Variants in TUT1 observed in about 807,000 individuals in gnomAD.
The protein encoded by TUT1 is speckle targeted PIP5K1A-regulated poly(A) polymerase.
A neutral mutation model predicts 48.8 loss-of-function variants in TUT1; 26 were observed. The observed-to-expected ratio is 0.53, with a 90% CI of 0.39 to 0.74. The LOEUF (loss-of-function observed/expected upper bound fraction) is 0.74, where lower values mean the gene tolerates loss of function less well. Among genes scored for constraint, TUT1 ranks in the 30% least tolerant of loss-of-function variants. TUT1 has a pLI of 0.00. For synonymous variants in TUT1, 470 were observed against 460.8 expected (o/e 1.02, Z -0.26); for missense variants, 1,065 against 1,114.8 (o/e 0.96, Z 0.64).
chr11:62,586,457 T>C (rs868723539), intron 2 of TUT1, among the ~76,000 whole-genome samples: 3 of 152,292 alleles, frequency 2.0e-5, no homozygotes, highest in Non-Finnish European at 4.4e-5. Context: ...TAGCACACAA[T>C]TGATGCATAG....
At chr11:62,580,166 A>G (rs1941802344) in intron 4 of TUT1, among the ~76,000 whole-genome samples, 1 of 152,118 alleles carries the variant, frequency 6.6e-6, no homozygotes, top group African/African-American at 2.4e-5. Context: ...GTTAGAAAAT[A>G]CAGGTTAAGT....
At chr11:62,590,337 T>TA (rs1426789048) in intron 1 of TUT1, among the ~76,000 whole-genome samples, 1 of 152,090 alleles carries the variant, frequency 6.6e-6, no homozygotes, top group African/African-American at 2.4e-5. Context: ...TACAAAAAAC[T>TA]AAAAAATTTG....
intron 1 of TUT1, among the ~76,000 whole-genome samples, chr11:62,590,568 T>G (rs1590725756): frequency 6.9e-6 from 1 of 145,496 alleles, no homozygotes. Flanking sequence ...ACCCAGGAGG[T>G]GGAGCTTGCA....
chr11:62,582,431 GA>G (rs998899970), intron 2 of TUT1: 2 of 268,674 alleles, frequency 7.4e-6, no homozygotes, highest in African/African-American at 4.6e-5. Flanking sequence ...AAAAAAAAAA[GA>G]AAAGAAAAAG....
Position 62,578,997 on chromosome 11 carries a change from C to A in TUT1, c.724G>T (p.Asp242Tyr). The change falls in exon 5 of 9, where the codon GAC becomes TAC. Residue 242 changes from aspartate (D) to tyrosine (Y), a missense_variant. Coordinates refer to ENST00000476907, the MANE Select transcript of TUT1 (RefSeq NM_022830.3). The stretch of plus-strand genomic sequence containing the variant: ...TCCAGTGGGGAAGCCAGGGCCGAGT[C>A]CAGCGATGGAGATTCTGGAGCCTTT... ...VPKAPESPSLDSALASPLDPQ... is the reference protein window; with the variant it reads ...VPKAPESPSLYSALASPLDPQ... 1 of 1,515,730 alleles carries A rather than the reference C, an allele frequency of 6.6e-7. No homozygotes were observed. The highest frequency in any genetic ancestry group is 1.4e-5 in the African/African-American group (1 of 71,710). 93.9% of individuals were successfully genotyped at this position (1,515,730 alleles called of 1,614,324 possible).
intron 2 of TUT1, among the ~76,000 whole-genome samples, chr11:62,582,895 G>A (rs527370351): frequency 1.7e-4 from 26 of 152,176 alleles, no homozygotes; most frequent in African/African-American, 3.6e-4. Context: ...TTAGGAGGCC[G>A]AGGTGGGTGG....
At chr11:62,581,238 G>C (rs770898896) in intron 3 of TUT1, 32 bp from the exon 4 acceptor site, 17 of 1,606,092 alleles carry the variant, frequency 1.1e-5, no homozygotes, top group Middle Eastern at 1.7e-4. Flanking sequence ...AAGGTCAAGA[G>C]AAGTTAGGGA....
chr11:62,588,156 T>TACAAAGTTAGC (rs1317614018), intron 2 of TUT1, among the ~76,000 whole-genome samples: 9 of 152,240 alleles, frequency 5.9e-5, no homozygotes, highest in African/African-American at 2.2e-4. Flanking sequence ...TAGTGCCTAG[T>TACAAAGTTAGC]ACAAAGTTAG....
chr11:62,583,128 C>CA (rs777695327), intron 2 of TUT1, among the ~76,000 whole-genome samples: 13,030 of 58,002 alleles, frequency 0.22, 1,995 homozygotes, highest in African/African-American at 0.47. Context: ...ACTCTGTCTC[C>CA]AAAAAAAAAA....
chr11:62,579,474 G>A (rs1337088867), intron 4 of TUT1, among the ~76,000 whole-genome samples: 2 of 152,092 alleles, frequency 1.3e-5, no homozygotes, highest in African/African-American at 2.4e-5. Flanking sequence ...GAGGGGTAAA[G>A]GAATGTGATA....
At chr11:62,582,561 C>A in intron 2 of TUT1, 1 of 453,808 alleles carries the variant, frequency 2.2e-6, no homozygotes, top group South Asian at 1.6e-5. Context: ...GTGATTGCAC[C>A]ACTACACACC....
chr11:62,576,182 A>G lies in TUT1; in HGVS notation c.1537T>C (p.Ser513Pro). ...GGCAGTGCCTGACCCTCCCGCAGGG[A>G]CAGCAGGGAGCCACGAAGATCCCAA... Reference protein sequence around the residue: ...SCWDLRGSLLSLREGQALPVA... With the variant: ...SCWDLRGSLLPLREGQALPVA... Residue 513 changes from serine (S) to proline (P), a missense_variant, in exon 9 of 9, where the codon TCC becomes CCC. Ser to Pro is a moderately conservative substitution (Grantham distance 74). Coordinates refer to ENST00000476907, the MANE Select transcript of TUT1 (RefSeq NM_022830.3). 6.2e-7 allele frequency: 1 copy of G among 1,611,354 alleles called. No individual in the cohort carries two copies. Among genetic ancestry groups the G allele is most frequent in the Non-Finnish European group, 8.5e-7 (1 of 1,178,754 alleles).
At chr11:62,584,429 T>TA (rs1219460952) in intron 2 of TUT1, among the ~76,000 whole-genome samples, 2 of 147,756 alleles carry the variant, frequency 1.4e-5, no homozygotes, top group Non-Finnish European at 3.0e-5. Flanking sequence ...CACCCACCCC[T>TA]AAATTGTATA....
Position 62,575,519 on chromosome 11 carries a change from C to G in TUT1, c.2200G>C (p.Ala734Pro), listed in dbSNP as rs143949073. The G allele has an allele frequency of 6.2e-6, 10 of 1,613,328 alleles. No individual in the cohort carries two copies. The East Asian group carries it at 2.2e-4, about 36-fold the overall frequency. Reference protein sequence around the residue: ...PGEEGQPSHAALAERGPKGHE... With the variant: ...PGEEGQPSHAPLAERGPKGHE... ...CCCTTGGGCCCCCGCTCTGCCAGGG[C>G]TGCGTGGCTGGGCTGCCCCTCTTCT... The change falls in exon 9 of 9, where the codon GCC (alanine) becomes CCC (proline). Residue 734 changes from alanine to proline, a missense_variant. Ala to Pro is a conservative substitution (Grantham distance 27). Transcript: ENST00000476907.
chr11:62,575,599 C>T lies in TUT1; in HGVS notation c.2120G>A (p.Ser707Asn). The change falls in exon 9 of 9, where the codon AGC becomes AAC. Residue 707 changes from serine (S) to asparagine (N), a missense_variant. Transcript: ENST00000476907. The stretch of plus-strand genomic sequence containing the variant: ...GGGCAGGTCCCCTGGCTGCCCAGGG[C>T]TCTGCATGGCCCAGTCCTGCACCAT... Reference protein sequence around the residue: ...GEMVQDWAMQSPGQPGDLPLT... With the variant: ...GEMVQDWAMQNPGQPGDLPLT... 6.2e-7 allele frequency: 1 copy of T among 1,614,188 alleles called. No homozygotes were observed. The highest frequency in any genetic ancestry group is 8.5e-7 in the Non-Finnish European group (1 of 1,180,026).
chr11:62,589,748 A>G (rs988478829), intron 1 of TUT1, among the ~76,000 whole-genome samples: 4 of 152,268 alleles, frequency 2.6e-5, no homozygotes, highest in Admixed American at 2.6e-4. Flanking sequence ...CTACACAAGA[A>G]CTAAAAAAAT....
In TUT1 at chr11:62,575,251, C is replaced by T. The variant is rs763713118; in HGVS notation, c.2468G>A (p.Arg823Lys). 3.7e-6 allele frequency: 6 copies of T among 1,614,158 alleles called. No individual in the cohort carries two copies. Among genetic ancestry groups the T allele is most frequent in the Middle Eastern group, 1.6e-4 (1 of 6,062 alleles). ...ELKGLSGGEE[R>K]PETEPLLSFV... is the part of the protein sequence containing the mutation. ...GCTCAGCAGGGGCTCAGTTTCTGGC[C>T]TCTCTTCGCCACCACTCAGTCCTTT... The change falls in exon 9 of 9, where the codon AGG (arginine) becomes AAG (lysine). Residue 823 changes from arginine (R) to lysine (K), a missense_variant. Physicochemically the swap from Arg to Lys is conservative, Grantham distance 26 (BLOSUM62 2). Transcript: ENST00000476907.
chr11:62,590,627 ACT>A (rs1236162953), intron 1 of TUT1, among the ~76,000 whole-genome samples: 2 of 145,780 alleles, frequency 1.4e-5, no homozygotes, highest in Admixed American at 6.9e-5. Context: ...ACAGAGTGAG[ACT>A]CTGTCTCAAA....
chr11:62,589,013 G>T lies in TUT1; in HGVS notation c.273+18C>A, dbSNP rs12277961. The T allele has an allele frequency of 1.2e-6, 2 of 1,607,326 alleles. No homozygotes were observed. The highest frequency in any genetic ancestry group is 2.2e-5 in the South Asian group (2 of 90,830). On this transcript the variant is annotated intron_variant, in intron 2 of 8. Transcript: ENST00000476907. ...CCAGCACTGATTCATTCTTTAACCC[G>T]AGAGCCATTCACTTTACCTTGTCCT...
Sources: allele counts gnomAD v4.1 joint callset (sites outside exome capture counted in the v4.1 genomes callset), GRCh38; gene constraint gnomAD v4.1.1; transcripts MANE v1.5; gene names NCBI Gene and HGNC (gene_info 2026-07-23, HGNC 2026-07-21).